Variants in ZNF214 observed in about 807,000 individuals in gnomAD.
ZNF214 encodes the protein zinc finger protein 214.
Under a neutral mutation model 53.9 loss-of-function variants are expected in ZNF214, and 43 were observed. That is an observed-to-expected ratio of 0.80 (90% CI 0.63 to 1.03). The LOEUF is 1.03. Ranked by LOEUF, ZNF214 falls within the 50% of genes least tolerant of loss-of-function variation. The pLI is 0.00. For synonymous variants in ZNF214, 217 were observed against 229.5 expected, an observed-to-expected ratio of 0.95 and a Z score of 0.49; for missense variants, 724 against 719.1, an observed-to-expected ratio of 1.01 and a Z score of -0.08.
intron 1 of ZNF214, among the ~76,000 whole-genome samples, chr11:7,019,067 G>A (rs533970039): frequency 6.6e-6 from 1 of 152,270 alleles, no homozygotes; most frequent in South Asian, 2.1e-4. Context: ...CCTCACTTGG[G>A]ATCAGACTAT....
At chr11:7,011,336 T>C (rs1004990932) in intron 1 of ZNF214, among the ~76,000 whole-genome samples, 7 of 151,930 alleles carry the variant, frequency 4.6e-5, no homozygotes, top group Middle Eastern at 3.2e-3. Flanking sequence ...GATCAGACAG[T>C]TTATTATAGG....
At chr11:7,008,539 C>A (rs1252052347) in intron 1 of ZNF214, among the ~76,000 whole-genome samples, 1 of 146,774 alleles carries the variant, frequency 6.8e-6, no homozygotes, top group African/African-American at 2.4e-5. Flanking sequence ...GACAAGAATG[C>A]CCACTCTCAC....
At chr11:7,010,846 T>TC (rs1006204961) in intron 1 of ZNF214, among the ~76,000 whole-genome samples, 2 of 151,904 alleles carry the variant, frequency 1.3e-5, no homozygotes, top group African/African-American at 4.8e-5. Flanking sequence ...ATAAGATTTT[T>TC]CAATGATGCA....
intron 1 of ZNF214, among the ~76,000 whole-genome samples, chr11:7,014,875 C>T (rs994234077): frequency 3.3e-5 from 5 of 150,092 alleles, no homozygotes; most frequent in African/African-American, 4.9e-5. Context: ...GATCACGCTA[C>T]TGGACTCCAG....
intron 1 of ZNF214, among the ~76,000 whole-genome samples, chr11:7,011,954 A>G (rs1851615426): frequency 6.6e-6 from 1 of 152,202 alleles, no homozygotes; most frequent in African/African-American, 2.4e-5. Context: ...AGATTATCTA[A>G]ATAAAAGGAG....
chr11:7,009,950 A>C (rs1384023661), intron 1 of ZNF214, among the ~76,000 whole-genome samples: 4 of 152,154 alleles, frequency 2.6e-5, no homozygotes, highest in Admixed American at 6.6e-5. Context: ...AGAAAAAGGA[A>C]TACTTAAATA....
Position 7,000,434 on chromosome 11 carries a change from C to T in ZNF214, c.1249G>A (p.Glu417Lys). Residue 417 changes from glutamate (E) to lysine (K), a missense_variant, in exon 3 of 3, where the codon GAA becomes AAA. Transcript: ENST00000278314. ...TGGGTAAAGCCTTTACCACAGTCTT[C>T]ACATTTATAAGACTTCTCTCCTGTG... ...VHTGEKSYKC[E>K]DCGKGFTQRS... is the part of the protein sequence containing the mutation. 1 of 1,613,358 alleles carries T rather than the reference C, an allele frequency of 6.2e-7. No homozygotes were observed. Among genetic ancestry groups the T allele is most frequent in the South Asian group, 1.1e-5 (1 of 91,052 alleles).
chr11:7,003,071 TCTA>T (rs1319632476), intron 1 of ZNF214, among the ~76,000 whole-genome samples: 1 of 151,990 alleles, frequency 6.6e-6, no homozygotes, highest in Admixed American at 6.6e-5. Flanking sequence ...ACAGCACTTG[TCTA>T]CTAAGTTTTT....
rs911259478 is a variant in ZNF214 at position 6,997,795 on chromosome 11, A to T, written c.*2067T>A. 1.3e-5 allele frequency among the ~76,000 whole-genome samples: 2 copies of T among 151,880 alleles called. No individual in the cohort carries two copies. Among genetic ancestry groups the T allele is most frequent in the Admixed American group, 6.6e-5 (1 of 15,200 alleles). On this transcript the variant is annotated 3_prime_UTR_variant, in exon 3 of 3. Transcript: ENST00000278314. ...CCCATGCAATATTTGGGACACCCTT[A>T]TACTAAAACAATTATTCTTTGCTTA...
rs115701770 is a variant in ZNF214, at chr11:6,998,170, G to A, written c.*1692C>T. Among the ~76,000 whole-genome samples the A allele has an allele frequency of 0.031, 4,762 of 151,956 alleles. 243 individuals carry two copies. The highest frequency in any genetic ancestry group is 0.1 in the African/African-American group (4,242 of 41,476). On this transcript the variant is annotated 3_prime_UTR_variant, in exon 3 of 3. Transcript: ENST00000278314. ...AAAATTCTGAACGTGCTGCTCCATT[G>A]CCTTCTGAGTTACTGTTGCAGAGCT...
At chr11:7,009,869 T>TA (rs1474461591) in intron 1 of ZNF214, among the ~76,000 whole-genome samples, 4 of 152,148 alleles carry the variant, frequency 2.6e-5, no homozygotes, top group Non-Finnish European at 5.9e-5. Context: ...CACAGTGAGA[T>TA]ACCATATCAT....
rs757801978 is a variant in ZNF214 at position 6,998,047 on chromosome 11, C to G, written c.*1815G>C. 6.6e-6 allele frequency among the ~76,000 whole-genome samples: 1 copy of G among 151,862 alleles called. No homozygotes were observed. Among genetic ancestry groups the G allele is most frequent in the Non-Finnish European group, 1.5e-5 (1 of 67,866 alleles). ...ACAAACTCTCTTTAAGGCACATATA[C>G]GCTACACTGTTTTCTTGCTTATCAA... is the stretch of plus-strand genomic sequence containing the variant. On this transcript the variant is annotated 3_prime_UTR_variant, in exon 3 of 3. Coordinates refer to ENST00000278314, the MANE Select transcript of ZNF214 (RefSeq NM_013249.4).
At chr11:7,018,229 T>C (rs1851821206) in intron 1 of ZNF214, among the ~76,000 whole-genome samples, 1 of 152,166 alleles carries the variant, frequency 6.6e-6, no homozygotes, top group African/African-American at 2.4e-5. Context: ...ATAACAAATT[T>C]AAACATTAAT....
chr11:7,003,975 AG>A (rs1408681643), intron 1 of ZNF214, among the ~76,000 whole-genome samples: 1 of 151,846 alleles, frequency 6.6e-6, no homozygotes, highest in Non-Finnish European at 1.5e-5. Flanking sequence ...TGGGATGCTC[AG>A]AAACTCAAAC....
chr11:7,015,654 A>C (rs1851746584), intron 1 of ZNF214, among the ~76,000 whole-genome samples: 1 of 152,146 alleles, frequency 6.6e-6, no homozygotes, highest in South Asian at 2.1e-4. Context: ...TCTTAGGAGA[A>C]ATAAATATAA....
chr11:7,008,319 G>A (rs1021810535), intron 1 of ZNF214, among the ~76,000 whole-genome samples: 1 of 152,122 alleles, frequency 6.6e-6, no homozygotes, highest in South Asian at 2.1e-4. Flanking sequence ...TGTGGTCCTA[G>A]CTACTCAAGA....
At chr11:7,006,352 G>C (rs1851472547) in intron 1 of ZNF214, among the ~76,000 whole-genome samples, 1 of 151,832 alleles carries the variant, frequency 6.6e-6, no homozygotes, top group Admixed American at 6.6e-5. Context: ...TATCTCTTTT[G>C]TCCTCTCATC....
chr11:7,001,880 G>T (rs765537925), intron 2 of ZNF214, among the ~76,000 whole-genome samples: 1 of 151,992 alleles, frequency 6.6e-6, no homozygotes, highest in Non-Finnish European at 1.5e-5. Flanking sequence ...TAAAGACTGA[G>T]ATTTAATTAG....
chr11:7,014,825 A>C, intron 1 of ZNF214, among the ~76,000 whole-genome samples: 1 of 151,140 alleles, frequency 6.6e-6, no homozygotes, highest in Non-Finnish European at 1.5e-5. Context: ...AAAAACAAAA[A>C]AAAAACACTA....
Sources: allele counts gnomAD v4.1 joint callset (sites outside exome capture counted in the v4.1 genomes callset), GRCh38; gene constraint gnomAD v4.1.1; transcripts MANE v1.5; gene names NCBI Gene and HGNC (gene_info 2026-07-23, HGNC 2026-07-21).